Variants in MALRD1 observed in about 807,000 individuals in gnomAD.
MALRD1 encodes the protein MAM and LDL receptor class A domain containing 1, also known as MAM and LDL-receptor class A domain-containing protein 1.
A neutral mutation model predicts 242.1 loss-of-function variants in MALRD1; 247 were observed. The ratio of observed to expected loss-of-function variants is 1.02; its 90% CI spans 0.92 to 1.13. MALRD1 has a LOEUF of 1.13. Ranked by LOEUF, MALRD1 falls within the 50% of genes most tolerant of loss-of-function variation. The pLI, the probability that MALRD1 is intolerant of heterozygous loss-of-function variation, is 0.00. For synonymous variants in MALRD1, 995 were observed against 866.6 expected (o/e 1.15, Z -2.60); for missense variants, 2,989 against 2,533.1 (o/e 1.18, Z -3.86).
At chr10:19,144,197 GA>G (rs1483080435) in intron 10 of MALRD1, among the ~76,000 whole-genome samples, 1 of 152,170 alleles carries the variant, frequency 6.6e-6, no homozygotes, top group East Asian at 1.9e-4. Context: ...TGTAATGAAA[GA>G]AATGCTGTAC....
chr10:19,104,205 A>C (rs1248129609), intron 5 of MALRD1, 130 bp downstream of exon 5: 1 of 476,598 alleles, frequency 2.1e-6, no homozygotes, highest in Admixed American at 4.4e-5. Flanking sequence ...TTTCGTTCTA[A>C]TACATTGTAT....
intron 18 of MALRD1, among the ~76,000 whole-genome samples, chr10:19,214,192 G>T (rs1171783296): frequency 6.6e-6 from 1 of 152,118 alleles, no homozygotes; most frequent in Non-Finnish European, 1.5e-5. Context: ...TGTCAACATG[G>T]TTTCTGTGGA....
At chr10:19,130,959 G>A (rs937714238) in intron 8 of MALRD1, among the ~76,000 whole-genome samples, 8 of 152,084 alleles carry the variant, frequency 5.3e-5, no homozygotes, top group African/African-American at 1.9e-4. Flanking sequence ...GTTAATCATA[G>A]GGAAATGATC....
chr10:19,515,815 G>A (rs1255070790), intron 31 of MALRD1, among the ~76,000 whole-genome samples: 2 of 152,040 alleles, frequency 1.3e-5, no homozygotes, highest in East Asian at 3.9e-4. Context: ...TGATCTGCCT[G>A]CCTTGGCCTC....
intron 10 of MALRD1, among the ~76,000 whole-genome samples, chr10:19,140,164 TC>T (rs1380464475): frequency 1.3e-5 from 2 of 152,170 alleles, no homozygotes; most frequent in Admixed American, 1.3e-4. Flanking sequence ...TACATAGCTT[TC>T]TTTCTTATTT....
chr10:19,500,591 ACCT>A (rs1049118070), intron 31 of MALRD1, among the ~76,000 whole-genome samples: 1 of 152,170 alleles, frequency 6.6e-6, no homozygotes, highest in Non-Finnish European at 1.5e-5. Flanking sequence ...ATATTTTAAA[ACCT>A]CCTAAACCCA....
chr10:19,554,245 G>T (rs866655162), intron 32 of MALRD1, among the ~76,000 whole-genome samples: 15 of 152,282 alleles, frequency 9.9e-5, no homozygotes, highest in Middle Eastern at 3.4e-3. Flanking sequence ...CTGGGTTCCA[G>T]CATCTGCTTC....
At chr10:19,429,883 A>C (rs1834052274) in intron 28 of MALRD1, among the ~76,000 whole-genome samples, 1 of 151,848 alleles carries the variant, frequency 6.6e-6, no homozygotes, top group Non-Finnish European at 1.5e-5. Flanking sequence ...CAAATTCCCT[A>C]CCATCTTTAA....
intron 28 of MALRD1, among the ~76,000 whole-genome samples, chr10:19,392,794 T>A (rs1846393880): frequency 6.6e-6 from 1 of 152,204 alleles, no homozygotes; most frequent in Non-Finnish European, 1.5e-5. Context: ...TTTAAAAGGA[T>A]GTAGTTAAAG....
intron 28 of MALRD1, among the ~76,000 whole-genome samples, chr10:19,394,217 T>A (rs2130830824): frequency 6.6e-6 from 1 of 152,294 alleles, no homozygotes; most frequent in East Asian, 1.9e-4. Context: ...TCTTGCTTAG[T>A]GGTTCAGATA....
Position 19,216,096 on chromosome 10 carries a change from C to CTTCT in MALRD1, c.2991+6439_2991+6442dup, listed in dbSNP as rs200642954. 5.1e-3 allele frequency among the ~76,000 whole-genome samples: 731 copies of CTTCT among 142,954 alleles called. 5 individuals carry two copies. Among genetic ancestry groups the CTTCT allele is most frequent in the Non-Finnish European group, 7.7e-3 (504 of 65,754 alleles). The allele number at this position is 142,954 out of a possible 152,430, so 93.8% of individuals were successfully genotyped here. A position where few individuals can be genotyped will look rare whatever the true frequency, so the allele number is the denominator to read the frequency against. On this transcript the variant is annotated intron_variant, in intron 18 of 39. Coordinates refer to ENST00000454679, the MANE Select transcript of MALRD1 (RefSeq NM_001142308.3). Reference sequence around the variant, plus strand: ...TTAAGTAATACTATATCTTTTTCTACTTCTTTCTTTCTTTCTTTCTTTCTT... The same window carrying CTTCT: ...TTAAGTAATACTATATCTTTTTCTACTTCTTTCTTTCTTTCTTTCTTTCTTTCTT...
chr10:19,383,597 C>T (rs974571722), intron 26 of MALRD1, among the ~76,000 whole-genome samples: 2 of 151,956 alleles, frequency 1.3e-5, no homozygotes, highest in African/African-American at 2.4e-5. Flanking sequence ...TTACTAAGTA[C>T]ATACCTTATA....
rs114945410 is a variant in MALRD1 at position 19,469,841 on chromosome 10, A to G, written c.5029+19351A>G. ...AGCTCTATTTAGTGTATACAACTCA[A>G]TGTGTTTGGGGATAAGTATACACTC... On this transcript the variant is annotated intron_variant, in intron 29 of 39. Transcript: ENST00000454679. Among the ~76,000 whole-genome samples the G allele has an allele frequency of 2.1e-3, 319 of 152,158 alleles. 1 individual carries two copies. Among genetic ancestry groups the G allele is most frequent in the African/African-American group, 7.4e-3 (308 of 41,558 alleles).
In MALRD1 at chr10:19,512,290, T is replaced by C. The variant is rs188287509; in HGVS notation, c.5320+13644T>C. 4.8e-3 allele frequency among the ~76,000 whole-genome samples: 731 copies of C among 152,316 alleles called. 8 individuals are homozygous for C. The highest frequency in any genetic ancestry group is 5.2e-3 in the Non-Finnish European group (356 of 68,018). On this transcript the variant is annotated intron_variant, in intron 31 of 39. Coordinates refer to ENST00000454679, the MANE Select transcript of MALRD1 (RefSeq NM_001142308.3). Reference sequence around the variant, plus strand: ...TTTCATCATTTATAAGAACAGGAGATACAGGCAGCTCTATTGTTATGGGCA... The same window carrying C: ...TTTCATCATTTATAAGAACAGGAGACACAGGCAGCTCTATTGTTATGGGCA...
intron 14 of MALRD1, 125 bp downstream of exon 14, chr10:19,175,453 T>A: frequency 2.7e-6 from 1 of 377,056 alleles, no homozygotes. Flanking sequence ...CACCTGTTCT[T>A]GAAACCTAAA....
rs1321960063 is a variant in MALRD1 at position 19,734,457 on chromosome 10, A to G, written c.*220A>G. The G allele has an allele frequency of 2.9e-6, 1 of 344,110 alleles. No homozygotes were observed. The highest frequency in any genetic ancestry group is 2.1e-5 in the African/African-American group (1 of 47,188). 21.3% of individuals were successfully genotyped at this position (344,110 alleles called of 1,614,324 possible). On this transcript the variant is annotated 3_prime_UTR_variant, in exon 40 of 40. Coordinates refer to ENST00000454679, the MANE Select transcript of MALRD1 (RefSeq NM_001142308.3). ...TCTTCACTGAACATCTGAATATTTT[A>G]ATAAAATTTCTATTTAATCAAGTTT... is the stretch of plus-strand genomic sequence containing the variant.
At chr10:19,484,475 TTAAA>T (rs1266449640) in intron 29 of MALRD1, among the ~76,000 whole-genome samples, 1 of 152,218 alleles carries the variant, frequency 6.6e-6, no homozygotes, top group Non-Finnish European at 1.5e-5. Flanking sequence ...AAAGCTCATC[TTAAA>T]TAAGGAGTAT....
At chr10:19,510,377 T>G (rs913259778) in intron 31 of MALRD1, among the ~76,000 whole-genome samples, 1 of 152,152 alleles carries the variant, frequency 6.6e-6, no homozygotes, top group Non-Finnish European at 1.5e-5. Context: ...GTCAGGTCTT[T>G]CCCTTCCCAC....
chr10:19,222,589 C>T (rs1837606314), intron 18 of MALRD1, among the ~76,000 whole-genome samples: 1 of 152,178 alleles, frequency 6.6e-6, no homozygotes, highest in African/African-American at 2.4e-5. Context: ...CAATCATCTT[C>T]ATCAGACAGT....
Sources: allele counts gnomAD v4.1 joint callset (sites outside exome capture counted in the v4.1 genomes callset), GRCh38; gene constraint gnomAD v4.1.1; transcripts MANE v1.5; gene names NCBI Gene and HGNC (gene_info 2026-07-23, HGNC 2026-07-21).